The following FRMPD4 variants were observed in gnomAD, a reference collection of about 807,000 sequenced individuals.
FRMPD4 encodes the protein FERM and PDZ domain containing 4, also known as FERM and PDZ domain-containing protein 4.
Under a neutral mutation model 94.1 loss-of-function variants are expected in FRMPD4, and 22 were observed. That is an observed-to-expected ratio of 0.23 (90% CI 0.17 to 0.33). The LOEUF (loss-of-function observed/expected upper bound fraction) is 0.33, where lower values mean the gene tolerates loss of function less well. Ranked by LOEUF, FRMPD4 falls within the 10% of genes least tolerant of loss-of-function variation. The pLI, the probability that FRMPD4 is intolerant of heterozygous loss-of-function variation, is 1.00. For synonymous variants in FRMPD4, 631 were observed against 548.6 expected (o/e 1.15, Z -2.10); for missense variants, 1,111 against 1,339.9 (o/e 0.83, Z 2.67).
intron 3 of FRMPD4, among the ~76,000 whole-genome samples, chrX:12,131,757 C>T (rs2055554258): frequency 8.9e-6 from 1 of 111,740 alleles, no homozygotes; most frequent in Admixed American, 9.5e-5. Flanking sequence ...TATAATAATC[C>T]TCATATTTAG....
intron 1 of FRMPD4, among the ~76,000 whole-genome samples, chrX:12,328,605 G>A (rs1275733090): frequency 1.8e-5 from 2 of 112,571 alleles, no homozygotes; most frequent in Non-Finnish European, 3.8e-5. Flanking sequence ...TTGGAAAAAG[G>A]CACTGCTTTG....
intron 3 of FRMPD4, among the ~76,000 whole-genome samples, chrX:12,000,862 AT>A (rs976422303): frequency 2.7e-5 from 3 of 111,746 alleles, no homozygotes; most frequent in East Asian, 2.8e-4. Context: ...GTGCCATAAG[AT>A]TTTTTTTGAA....
intron 1 of FRMPD4, among the ~76,000 whole-genome samples, chrX:12,422,832 G>GT (rs1319605624): frequency 1.8e-5 from 2 of 111,644 alleles, no homozygotes; most frequent in South Asian, 3.8e-4. Flanking sequence ...CAACACACAG[G>GT]TTTTTTTTGG....
chrX:12,496,931 G>GA (rs2057856733), intron 1 of FRMPD4, among the ~76,000 whole-genome samples: 1 of 111,340 alleles, frequency 9.0e-6, no homozygotes, highest in Non-Finnish European at 1.9e-5. Flanking sequence ...TACTGTACAG[G>GA]AAAATGTAGT....
At chrX:11,836,659 A>G (rs2053502671) in intron 1 of FRMPD4, among the ~76,000 whole-genome samples, 1 of 111,825 alleles carries the variant, frequency 8.9e-6, no homozygotes, top group Admixed American at 9.5e-5. Flanking sequence ...GATAAATGAA[A>G]CATAGAACAA....
chrX:12,354,950 GA>G (rs1322782034), intron 1 of FRMPD4, among the ~76,000 whole-genome samples: 1 of 112,012 alleles, frequency 8.9e-6, no homozygotes, highest in Non-Finnish European at 1.9e-5. Context: ...TTTACTGTGT[GA>G]ATTTCTACGT....
chrX:12,513,802 T>G, intron 2 of FRMPD4, among the ~76,000 whole-genome samples: 1 of 112,098 alleles, frequency 8.9e-6, no homozygotes, highest in Middle Eastern at 4.6e-3. Context: ...ATAAATTACT[T>G]CGGGCAGTAT....
At chrX:12,501,483 G>A (rs1187449628) in intron 2 of FRMPD4, among the ~76,000 whole-genome samples, 3 of 105,040 alleles carry the variant, frequency 2.9e-5, no homozygotes, top group African/African-American at 1.0e-4. Context: ...TTATTACAAA[G>A]AGGTATTCTA....
chrX:12,719,994 A>AGAAAGGAAAG (rs771686552), intron 16 of FRMPD4, among the ~76,000 whole-genome samples: 31 of 81,952 alleles, frequency 3.8e-4, no homozygotes, highest in East Asian at 2.0e-3. Context: ...AAGAAAGGAA[A>AGAAAGGAAAG]GAAAGGAAAG....
At chrX:12,715,032 A>G (rs1399198333) in intron 14 of FRMPD4, among the ~76,000 whole-genome samples, 1 of 112,323 alleles carries the variant, frequency 8.9e-6, no homozygotes, top group African/African-American at 3.2e-5. Context: ...TGTCTTGCAC[A>G]TCTGATGTCA....
At chrX:12,173,043 AC>A (rs1468665083) in intron 1 of FRMPD4, among the ~76,000 whole-genome samples, 1 of 112,531 alleles carries the variant, frequency 8.9e-6, no homozygotes, top group African/African-American at 3.2e-5. Flanking sequence ...ACCCAGAAGA[AC>A]CCCAAATTGC....
At chrX:12,545,351 C>T (rs5934019) in intron 2 of FRMPD4, among the ~76,000 whole-genome samples, 17 of 110,356 alleles carry the variant, frequency 1.5e-4, no homozygotes, top group African/African-American at 4.3e-4. Flanking sequence ...GGGAGCCAAA[C>T]GACTAGACAA....
chrX:12,355,571 A>G (rs1019696663), intron 1 of FRMPD4, among the ~76,000 whole-genome samples: 3 of 111,998 alleles, frequency 2.7e-5, no homozygotes, highest in Non-Finnish European at 5.6e-5. Flanking sequence ...GTAAATGACA[A>G]ATGTTATTAT....
chrX:12,024,403 T>G (rs970242252), intron 3 of FRMPD4, among the ~76,000 whole-genome samples: 2 of 111,390 alleles, frequency 1.8e-5, no homozygotes, highest in African/African-American at 3.3e-5. Context: ...ACTCAGAGAG[T>G]GAAGTTTAGT....
At chrX:12,512,362 GCTCTCC>G (rs1029076662) in intron 2 of FRMPD4, among the ~76,000 whole-genome samples, 1 of 111,617 alleles carries the variant, frequency 9.0e-6, no homozygotes, top group Non-Finnish European at 1.9e-5. Flanking sequence ...TTATCCTGAC[GCTCTCC>G]CTCCCCCCAC....
At chrX:12,636,269 T>A (rs1207306297) in intron 4 of FRMPD4, among the ~76,000 whole-genome samples, 1 of 111,907 alleles carries the variant, frequency 8.9e-6, no homozygotes, top group Non-Finnish European at 1.9e-5. Flanking sequence ...ATCTCTTTTT[T>A]ATTGTCTTTG....
intron 2 of FRMPD4, among the ~76,000 whole-genome samples, chrX:12,500,715 T>C (rs984518487): frequency 2.7e-5 from 3 of 111,148 alleles, no homozygotes; most frequent in East Asian, 2.8e-4. Flanking sequence ...GAAAGGCCAA[T>C]AGTTTGGCTC....
intron 2 of FRMPD4, among the ~76,000 whole-genome samples, chrX:12,541,520 T>C (rs1258777532): frequency 1.8e-5 from 2 of 111,025 alleles, no homozygotes; most frequent in Non-Finnish European, 3.8e-5. Flanking sequence ...GACACACACA[T>C]CCTCCCAAGA....
chrX:11,922,973 G>A (rs2054066486), intron 3 of FRMPD4, among the ~76,000 whole-genome samples: 1 of 112,672 alleles, frequency 8.9e-6, no homozygotes, highest in Admixed American at 9.3e-5. Flanking sequence ...GGCAGTCTCA[G>A]GTGCTCTGGG....
Sources: allele counts gnomAD v4.1 joint callset (sites outside exome capture counted in the v4.1 genomes callset), GRCh38; gene constraint gnomAD v4.1.1; transcripts MANE v1.5; gene names NCBI Gene and HGNC (gene_info 2026-07-23, HGNC 2026-07-21).